STXBP5L: variants seen among roughly 807,000 people sequenced by gnomAD.
STXBP5L encodes the protein syntaxin binding protein 5L.
Under a neutral mutation model 144.5 loss-of-function variants are expected in STXBP5L, and 65 were observed. That is an observed-to-expected ratio of 0.45 (90% confidence interval 0.37 to 0.55). The LOEUF is 0.55. Ranked by LOEUF, STXBP5L falls within the 20% of genes least tolerant of loss-of-function variation. The pLI is 0.00. For synonymous variants in STXBP5L, 505 were observed against 469.6 expected (o/e 1.08, Z -0.97); for missense variants, 1,298 against 1,405.5 (o/e 0.92, Z 1.22).
In STXBP5L at chr3:121,060,831, T is replaced by C. The variant is rs1333958827; in HGVS notation, c.470+15296T>C. Among the ~76,000 whole-genome samples the C allele has an allele frequency of 6.6e-5, 10 of 152,204 alleles. No homozygotes were observed. The East Asian group carries it at 1.9e-3, about 29-fold the overall frequency. On this transcript the variant is annotated intron_variant, in intron 5 of 26. Coordinates refer to ENST00000471454, the MANE Select transcript of STXBP5L (RefSeq NM_001308330.2). Reference sequence around the variant, plus strand: ...ATCAATGGTGATATCCACTTTATCATTTTTTACTGCATCTATTTGATTCTT... The same window carrying C: ...ATCAATGGTGATATCCACTTTATCACTTTTTACTGCATCTATTTGATTCTT...
At chr3:121,151,158 A>C (rs1013711996) in intron 7 of STXBP5L, among the ~76,000 whole-genome samples, 2 of 152,126 alleles carry the variant, frequency 1.3e-5, no homozygotes, top group African/African-American at 4.8e-5. Context: ...ATGTAAAAAA[A>C]ATCAATTTGA....
In STXBP5L at chr3:121,158,508, T is replaced by A. The variant is rs569206938; in HGVS notation, c.877+881T>A. On this transcript the variant is annotated intron_variant, in intron 9 of 26. Transcript: ENST00000471454. ...TTTTGTACCATAGTTACATGCTCCATCAGTAAATGATCAAATTATTGCAAC... is the reference window on the plus strand; with the variant it reads ...TTTTGTACCATAGTTACATGCTCCAACAGTAAATGATCAAATTATTGCAAC... The A allele has an allele frequency of 2.6e-5, 4 of 152,296 alleles. No individual in the cohort carries two copies. In the East Asian group the frequency reaches 7.7e-4, roughly 29 times the overall value. The allele number at this position is 152,296 out of a possible 1,614,324, so 9.4% of individuals were successfully genotyped here.
chr3:121,020,131 C>T (rs1156718785), intron 3 of STXBP5L, among the ~76,000 whole-genome samples: 2 of 152,090 alleles, frequency 1.3e-5, no homozygotes, highest in East Asian at 1.9e-4. Context: ...TTACAAAATG[C>T]ACTGGAAAGG....
chr3:120,963,403 G>T (rs12020910), intron 3 of STXBP5L, among the ~76,000 whole-genome samples: 1 of 150,492 alleles, frequency 6.6e-6, no homozygotes, highest in Non-Finnish European at 1.5e-5. Context: ...TATGATATTG[G>T]CAGTATGTCA....
chr3:121,078,069 A>T (rs1463919811), intron 5 of STXBP5L, among the ~76,000 whole-genome samples: 1 of 145,372 alleles, frequency 6.9e-6, no homozygotes, highest in East Asian at 2.1e-4. Flanking sequence ...ACAGAGTGCC[A>T]ATTGGTGTAT....
chr3:121,369,393 G>A (rs781168920), intron 20 of STXBP5L, among the ~76,000 whole-genome samples: 4 of 150,342 alleles, frequency 2.7e-5, no homozygotes, highest in Non-Finnish European at 5.9e-5. Context: ...CTTTTTTCAG[G>A]TATTGTTTTC....
intron 20 of STXBP5L, among the ~76,000 whole-genome samples, chr3:121,376,944 G>A (rs150109526): frequency 6.6e-5 from 10 of 152,070 alleles, no homozygotes; most frequent in African/African-American, 1.7e-4. Flanking sequence ...GGTCCTTCAC[G>A]TCCCTTGTAA....
intron 3 of STXBP5L, among the ~76,000 whole-genome samples, chr3:120,992,088 A>AT (rs971473018): frequency 4.6e-5 from 7 of 152,184 alleles, no homozygotes; most frequent in East Asian, 3.9e-4. Flanking sequence ...TGTAGAGAAC[A>AT]TTTTTTTGGA....
chr3:121,144,139 TA>T (rs3070611), intron 7 of STXBP5L, among the ~76,000 whole-genome samples: 24,148 of 134,436 alleles, frequency 0.18, 2,008 homozygotes, highest in Middle Eastern at 0.22. Context: ...AACTCAATAG[TA>T]AAAAAAAAAA....
chr3:121,079,445 A>T (rs780065206), intron 5 of STXBP5L, among the ~76,000 whole-genome samples: 9 of 152,254 alleles, frequency 5.9e-5, no homozygotes, highest in Non-Finnish European at 1.2e-4. Flanking sequence ...GTCCACAGCG[A>T]GAAGACAGGC....
At chr3:121,222,613 T>C (rs2049005830) in intron 10 of STXBP5L, among the ~76,000 whole-genome samples, 1 of 152,160 alleles carries the variant, frequency 6.6e-6, no homozygotes. Context: ...TTAGGCCCCA[T>C]AGGCCAGCTA....
rs536355828 is a variant in STXBP5L, at chr3:121,151,462, G to T, written c.670-1015G>T. Among the ~76,000 whole-genome samples the T allele has an allele frequency of 1.9e-3, 290 of 152,138 alleles. 3 individuals carry two copies. Among genetic ancestry groups the T allele is most frequent in the Non-Finnish European group, 6.5e-4 (44 of 67,956 alleles). ...GAAAACTACTAGCTGGTTTACTTTT[G>T]TTATTTTTTGTGTCTCATTGTAAGA... On this transcript the variant is annotated intron_variant, in intron 7 of 26. Transcript: ENST00000471454.
At chr3:120,994,466 A>G (rs573055185) in intron 3 of STXBP5L, among the ~76,000 whole-genome samples, 3 of 152,194 alleles carry the variant, frequency 2.0e-5, no homozygotes, top group East Asian at 1.9e-4. Flanking sequence ...TGTTTCTTCA[A>G]TGCCTAGTTT....
At chr3:121,094,471 A>T (rs1439004766) in intron 5 of STXBP5L, among the ~76,000 whole-genome samples, 1 of 151,996 alleles carries the variant, frequency 6.6e-6, no homozygotes, top group African/African-American at 2.4e-5. Flanking sequence ...TTGGGTGCAT[A>T]TATATTTAGG....
At chr3:121,265,525 A>G (rs767778944) in intron 18 of STXBP5L, among the ~76,000 whole-genome samples, 15 of 152,224 alleles carry the variant, frequency 9.9e-5, no homozygotes, top group African/African-American at 3.6e-4. Context: ...AGCAGGAAAG[A>G]TCTAAAATTG....
intron 14 of STXBP5L, among the ~76,000 whole-genome samples, chr3:121,241,731 T>C (rs1209181888): frequency 1.3e-5 from 2 of 152,162 alleles, no homozygotes; most frequent in Non-Finnish European, 2.9e-5. Flanking sequence ...GACTGCAAAG[T>C]ATTAAGGAAA....
intron 3 of STXBP5L, among the ~76,000 whole-genome samples, chr3:121,039,924 A>G (rs998220043): frequency 3.3e-5 from 5 of 151,842 alleles, no homozygotes; most frequent in African/African-American, 1.2e-4. Context: ...TTTTTTAAAA[A>G]AATCTCTAGA....
At chr3:121,115,204 C>A in intron 6 of STXBP5L, 145 bp downstream of exon 6, 1 of 768,268 alleles carries the variant, frequency 1.3e-6, no homozygotes, top group Non-Finnish European at 1.9e-6. Flanking sequence ...AACTTAAAGC[C>A]ATAAAAGCTT....
chr3:121,256,928 A>AT (rs2050224711), intron 16 of STXBP5L, among the ~76,000 whole-genome samples: 1 of 151,962 alleles, frequency 6.6e-6, no homozygotes, highest in South Asian at 2.1e-4. Context: ...AAAAATTTAC[A>AT]TTTTTTGTGA....
Sources: allele counts gnomAD v4.1 joint callset (sites outside exome capture counted in the v4.1 genomes callset), GRCh38; gene constraint gnomAD v4.1.1; transcripts MANE v1.5; gene names NCBI Gene and HGNC (gene_info 2026-07-23, HGNC 2026-07-21).